NUDT13: variants seen among roughly 807,000 people sequenced by gnomAD.
NUDT13 encodes the protein nudix hydrolase 13.
In NUDT13, 40 loss-of-function variants were observed where a neutral mutation model predicts 41.7. That is an observed-to-expected ratio of 0.96 (90% CI 0.75 to 1.25). The LOEUF (loss-of-function observed/expected upper bound fraction) is 1.25. Among genes scored for constraint, NUDT13 ranks in the 50% most tolerant of loss-of-function variants. The pLI is 0.00. For synonymous variants in NUDT13, 145 were observed against 155.5 expected, an observed-to-expected ratio of 0.93 and a Z score of 0.50; for missense variants, 390 against 416.1, an observed-to-expected ratio of 0.94 and a Z score of 0.55.
In NUDT13 at chr10:73,120,023, T is replaced by C; in HGVS notation, c.89T>C (p.Leu30Ser). 1.9e-6 allele frequency: 3 copies of C among 1,614,188 alleles called. No homozygotes were observed. Among genetic ancestry groups the C allele is most frequent in the Non-Finnish European group, 2.5e-6 (3 of 1,180,012 alleles). The change falls in exon 3 of 9, where the codon TTA becomes TCA. Residue 30 changes from leucine to serine, a missense_variant. Leu to Ser is a moderately radical substitution (Grantham distance 145, BLOSUM62 -2). Coordinates refer to ENST00000357321, the MANE Select transcript of NUDT13 (RefSeq NM_015901.6). The part of the protein sequence containing the change: ...LSTYVTKTRY[L>S]FELKEDDDAC... ...TGATTATTTCCCAAATACAGGTATTTATTTGAACTGAAGGAAGATGATGAT... is the reference window on the plus strand; with the variant it reads ...TGATTATTTCCCAAATACAGGTATTCATTTGAACTGAAGGAAGATGATGAT...
chr10:73,111,973 C>G (rs1842375567), intron 1 of NUDT13, among the ~76,000 whole-genome samples: 1 of 152,198 alleles, frequency 6.6e-6, no homozygotes, highest in East Asian at 1.9e-4. Context: ...ATTACAGGCA[C>G]CTTTTTCAAT....
intron 4 of NUDT13, among the ~76,000 whole-genome samples, chr10:73,123,034 G>C (rs960187681): frequency 6.6e-6 from 1 of 151,332 alleles, no homozygotes. Flanking sequence ...CCTATTAGCT[G>C]GGATTACAGG....
chr10:73,123,464 A>G (rs1384781929), intron 4 of NUDT13, among the ~76,000 whole-genome samples: 3 of 152,058 alleles, frequency 2.0e-5, no homozygotes, highest in African/African-American at 7.2e-5. Flanking sequence ...TTCCACGGAT[A>G]AGCTAATGCA....
rs1345108056 is a variant in NUDT13 at position 73,126,800 on chromosome 10, T to C, written c.831T>C (p.His277=). The change falls in exon 8 of 9, where the codon CAT becomes CAC. Residue 277 remains histidine (H), a synonymous_variant. Coordinates refer to ENST00000357321, the MANE Select transcript of NUDT13 (RefSeq NM_015901.6). ...FPSGSLMIAC[H]ATVKPGQTEI... is the part of the protein sequence containing the mutation. ...GTGGCTCACTCATGATTGCTTGCCA[T>C]GCAACTGTGAAACCAGGGCAGACAG... is the stretch of plus-strand genomic sequence containing the variant. The C allele has an allele frequency of 3.1e-6, 5 of 1,614,068 alleles. No individual in the cohort carries two copies. The East Asian group carries it at 8.9e-5, about 29-fold the overall frequency.
intron 2 of NUDT13, chr10:73,119,439 T>C (rs1329782720): frequency 2.1e-6 from 2 of 970,524 alleles, no homozygotes; most frequent in East Asian, 2.3e-4. Flanking sequence ...ATTTGTTCTT[T>C]ATCTTCCCTA....
chr10:73,119,941 A>G, intron 2 of NUDT13, 77 bp from the exon 3 acceptor site: 5 of 1,409,562 alleles, frequency 3.5e-6, no homozygotes, highest in Non-Finnish European at 5.0e-6. Flanking sequence ...GGATGCAGCG[A>G]CAGCATTCTC....
Position 73,119,157 on chromosome 10 carries a change from G to A in NUDT13, c.84-861G>A, listed in dbSNP as rs182244066. ...GCCTCCCAGGTTCAAGCGATTCTTC[G>A]GCCTCAGCCTCCTGAGTAGCTGGGA... On this transcript the variant is annotated intron_variant, in intron 2 of 8. Coordinates refer to ENST00000357321, the MANE Select transcript of NUDT13 (RefSeq NM_015901.6). Among the ~76,000 whole-genome samples the A allele has an allele frequency of 4.9e-4, 74 of 151,236 alleles. 1 individual carries two copies. The highest frequency in any genetic ancestry group is 1.7e-3 in the African/African-American group (71 of 41,220).
intron 2 of NUDT13, among the ~76,000 whole-genome samples, chr10:73,119,772 AC>A (rs2133212113): frequency 6.6e-6 from 1 of 152,352 alleles, no homozygotes; most frequent in Admixed American, 6.5e-5. Context: ...GAGGAGACAG[AC>A]AAATGAACAA....
Position 73,131,225 on chromosome 10 carries a change from C to T in NUDT13, c.*322C>T. 8.0e-6 allele frequency: 2 copies of T among 250,334 alleles called. No individual in the cohort carries two copies. Among genetic ancestry groups the T allele is most frequent in the Non-Finnish European group, 1.6e-5 (2 of 124,430 alleles). 15.5% of individuals were successfully genotyped at this position (250,334 alleles called of 1,614,324 possible). A position where few individuals can be genotyped will look rare whatever the true frequency, so the allele number is the denominator to read the frequency against. ...GGCCTTGGAAGCAAACATCTTCTGG[C>T]ATATGGCTTGTTAATGTTGTGTTTA... is the stretch of plus-strand genomic sequence containing the variant. On this transcript the variant is annotated 3_prime_UTR_variant, in exon 9 of 9. Transcript: ENST00000357321.
At chr10:73,127,329 A>T (rs1842812866) in intron 8 of NUDT13, among the ~76,000 whole-genome samples, 1 of 151,472 alleles carries the variant, frequency 6.6e-6, no homozygotes, top group Non-Finnish European at 1.5e-5. Flanking sequence ...CAGTGAGCTG[A>T]GGTCGCGCTA....
chr10:73,113,186 CCTT>C (rs1842412322), intron 1 of NUDT13, among the ~76,000 whole-genome samples: 1 of 152,130 alleles, frequency 6.6e-6, no homozygotes, highest in Non-Finnish European at 1.5e-5. Flanking sequence ...CGCACCCAGC[CCTT>C]CTATTTGTTC....
chr10:73,126,460 C>T (rs1041739379), intron 7 of NUDT13, among the ~76,000 whole-genome samples: 14 of 152,134 alleles, frequency 9.2e-5, no homozygotes, highest in African/African-American at 3.1e-4. Context: ...CCTACTGTCA[C>T]ACTTACTTTA....
intron 2 of NUDT13, among the ~76,000 whole-genome samples, chr10:73,117,583 G>A (rs954964520): frequency 1.3e-5 from 2 of 149,464 alleles, no homozygotes; most frequent in Non-Finnish European, 3.0e-5. Flanking sequence ...AAGAATAAAA[G>A]TCTATCAATA....
chr10:73,126,254 C>A, intron 7 of NUDT13: 1 of 199,590 alleles, frequency 5.0e-6, no homozygotes, highest in Admixed American at 5.0e-5. Flanking sequence ...CAAAGCTGTC[C>A]ATCTATCCAT....
chr10:73,114,003 A>T (rs977039586), intron 1 of NUDT13, among the ~76,000 whole-genome samples: 1 of 152,188 alleles, frequency 6.6e-6, no homozygotes, highest in African/African-American at 2.4e-5. Flanking sequence ...AAAAATAGAA[A>T]ATATCTTGGA....
In NUDT13 at chr10:73,122,310, G is replaced by A. The variant is rs1842663993; in HGVS notation, c.358+1G>A. On this transcript the variant is annotated splice_donor_variant, in intron 4 of 8. Coordinates refer to ENST00000357321, the MANE Select transcript of NUDT13 (RefSeq NM_015901.6). LOFTEE classifies it high-confidence loss of function. Reference sequence around the variant, plus strand: ...CTGGATAGCTCCTTTTCCATAAGTGGTACATGACATTATTCCTAACGGGTA... The same window carrying A: ...CTGGATAGCTCCTTTTCCATAAGTGATACATGACATTATTCCTAACGGGTA... The A allele has an allele frequency of 1.2e-6, 2 of 1,610,500 alleles. No individual in the cohort carries two copies. The highest frequency in any genetic ancestry group is 8.5e-7 in the Non-Finnish European group (1 of 1,178,912).
intron 6 of NUDT13, 37 bp downstream of exon 6, chr10:73,125,280 A>C: frequency 6.2e-7 from 1 of 1,605,612 alleles, no homozygotes; most frequent in Non-Finnish European, 8.5e-7. Flanking sequence ...ATCCAAGAAG[A>C]CTGTGCGCTG....
rs777963022 is a variant in NUDT13 at position 73,126,787 on chromosome 10, T to C, written c.818T>C (p.Met273Thr). 5 of 1,614,158 alleles carry C rather than the reference T, an allele frequency of 3.1e-6. No individual in the cohort carries two copies. The Admixed American group carries it at 8.3e-5, about 27-fold the overall frequency. Residue 273 changes from methionine to threonine, a missense_variant, in exon 8 of 9, where the codon ATG becomes ACG. Physicochemically the swap from Met to Thr is moderately conservative, Grantham distance 81 (BLOSUM62 -1). Transcript: ENST00000357321. ...QHWPFPSGSL[M>T]IACHATVKPG... Reference sequence around the variant, plus strand: ...TGGCCCTTCCCTAGTGGCTCACTCATGATTGCTTGCCATGCAACTGTGAAA... The same window carrying C: ...TGGCCCTTCCCTAGTGGCTCACTCACGATTGCTTGCCATGCAACTGTGAAA...
intron 2 of NUDT13, among the ~76,000 whole-genome samples, chr10:73,116,517 G>A (rs1177473184): frequency 3.9e-5 from 6 of 152,116 alleles, no homozygotes; most frequent in African/African-American, 1.2e-4. Flanking sequence ...GCCAAGGCGG[G>A]CAGATCACTC....
Sources: gnomAD v4.1 joint callset for allele counts (sites outside exome capture counted in the v4.1 genomes callset) on GRCh38, gnomAD v4.1.1 for gene constraint, MANE v1.5 for transcripts, NCBI Gene and HGNC (gene_info 2026-07-23, HGNC 2026-07-21) for gene names.